The following GXYLT2 variants were observed in gnomAD, a reference collection of about 807,000 sequenced individuals.
GXYLT2 encodes glycosyltransferase 8 domain containing 4.
Under a neutral mutation model 45.8 loss-of-function variants are expected in GXYLT2, and 53 were observed. The ratio of observed to expected loss-of-function variants is 1.16; its 90% CI spans 0.93 to 1.46. The LOEUF (loss-of-function observed/expected upper bound fraction) is 1.46, where lower values mean the gene tolerates loss of function less well. Ranked by LOEUF, GXYLT2 falls within the 40% of genes most tolerant of loss-of-function variation. The pLI, the probability that GXYLT2 is intolerant of heterozygous loss-of-function variation, is 0.00. For missense variants in GXYLT2, 551 were observed against 544.4 expected, an observed-to-expected ratio of 1.01 and a Z score of -0.12; for synonymous variants, 219 against 214.2, an observed-to-expected ratio of 1.02 and a Z score of -0.19.
intron 2 of GXYLT2, among the ~76,000 whole-genome samples, chr3:72,918,113 T>G (rs1709771849): frequency 6.6e-6 from 1 of 152,190 alleles, no homozygotes; most frequent in African/African-American, 2.4e-5. Flanking sequence ...AAACAATATA[T>G]AAACAAATGG....
intron 3 of GXYLT2, among the ~76,000 whole-genome samples, chr3:72,943,204 A>G (rs987514047): frequency 6.6e-6 from 1 of 152,236 alleles, no homozygotes; most frequent in African/African-American, 2.4e-5. Flanking sequence ...CAGGGACCTC[A>G]TATAATTACA....
At chr3:72,940,678 TTTTG>T (rs937541979) in intron 3 of GXYLT2, among the ~76,000 whole-genome samples, 6 of 152,154 alleles carry the variant, frequency 3.9e-5, no homozygotes, top group African/African-American at 9.7e-5. Context: ...ACAACTCGTG[TTTTG>T]TTTGTTTGTT....
intron 3 of GXYLT2, chr3:72,928,988 C>A: frequency 9.2e-7 from 1 of 1,085,556 alleles, no homozygotes; most frequent in Non-Finnish European, 1.4e-6. Context: ...CGCCCCAAGG[C>A]CCGCCGCCGC....
chr3:72,966,083 A>G (rs1234585862), intron 5 of GXYLT2, among the ~76,000 whole-genome samples: 1 of 151,806 alleles, frequency 6.6e-6, no homozygotes, highest in Non-Finnish European at 1.5e-5. Flanking sequence ...CGGGTTCTAG[A>G]TTCTCGTGCC....
At chr3:72,896,001 G>T (rs762352384) in intron 1 of GXYLT2, among the ~76,000 whole-genome samples, 1 of 152,182 alleles carries the variant, frequency 6.6e-6, no homozygotes, top group Non-Finnish European at 1.5e-5. Flanking sequence ...TCCGAGAGGT[G>T]AAATAATAAT....
chr3:72,896,118 C>A (rs544830594), intron 1 of GXYLT2, among the ~76,000 whole-genome samples: 213 of 152,344 alleles, frequency 1.4e-3, no homozygotes, highest in African/African-American at 5.0e-3. Context: ...TGAGCCATAA[C>A]TAGACCCAGC....
At chr3:72,946,569 T>G (rs1205171635) in intron 3 of GXYLT2, among the ~76,000 whole-genome samples, 4 of 152,168 alleles carry the variant, frequency 2.6e-5, no homozygotes, top group Non-Finnish European at 4.4e-5. Flanking sequence ...TGCTTCCTGA[T>G]TCATAGATGG....
At chr3:72,918,052 A>G (rs1304712562) in intron 2 of GXYLT2, among the ~76,000 whole-genome samples, 1 of 152,094 alleles carries the variant, frequency 6.6e-6, no homozygotes, top group African/African-American at 2.4e-5. Context: ...TGCAGGCTGT[A>G]TGGTCTCTAT....
chr3:72,907,247 A>G (rs1291480250), intron 1 of GXYLT2, among the ~76,000 whole-genome samples: 1 of 152,236 alleles, frequency 6.6e-6, no homozygotes, highest in Non-Finnish European at 1.5e-5. Flanking sequence ...TCTACTAAGC[A>G]TGCTCATAAG....
chr3:72,920,353 T>C (rs1709809839), intron 2 of GXYLT2, among the ~76,000 whole-genome samples: 1 of 152,170 alleles, frequency 6.6e-6, no homozygotes, highest in African/African-American at 2.4e-5. Context: ...CAGGCTGGTC[T>C]TGAACTCCTG....
Position 72,975,479 on chromosome 3 carries a change from T to G in GXYLT2, c.*320T>G. 4.7e-6 allele frequency: 1 copy of G among 213,346 alleles called. No homozygotes were observed. Among genetic ancestry groups the G allele is most frequent in the Non-Finnish European group, 9.2e-6 (1 of 108,158 alleles). The allele number at this position is 213,346 out of a possible 1,614,324, so 13.2% of individuals were successfully genotyped here. ...TCCTAAACGTCTGAGACCATTTCAGTGGCACCTGAGGTGTTATATTGATCT... is the reference window on the plus strand; with the variant it reads ...TCCTAAACGTCTGAGACCATTTCAGGGGCACCTGAGGTGTTATATTGATCT... On this transcript the variant is annotated 3_prime_UTR_variant, in exon 7 of 7. Coordinates refer to ENST00000389617, the MANE Select transcript of GXYLT2 (RefSeq NM_001080393.2).
chr3:72,965,802 G>A (rs1006659001), intron 5 of GXYLT2, among the ~76,000 whole-genome samples: 5 of 152,162 alleles, frequency 3.3e-5, no homozygotes, highest in African/African-American at 1.2e-4. Flanking sequence ...AGAGGAGTAG[G>A]GAGGGGGCAA....
At chr3:72,938,727 C>T (rs919849995) in intron 3 of GXYLT2, among the ~76,000 whole-genome samples, 2 of 152,146 alleles carry the variant, frequency 1.3e-5, no homozygotes, top group African/African-American at 4.8e-5. Context: ...GCCGGAGAAA[C>T]CAGATACTTT....
chr3:72,888,566 CG>C, intron 1 of GXYLT2, 58 bp downstream of exon 1: 1 of 1,076,352 alleles, frequency 9.3e-7, no homozygotes. Context: ...TCCCTACACC[CG>C]TGCCAAGTCC....
At chr3:72,943,132 A>G (rs1367440561) in intron 3 of GXYLT2, among the ~76,000 whole-genome samples, 1 of 152,230 alleles carries the variant, frequency 6.6e-6, no homozygotes. Flanking sequence ...CATTTTACCC[A>G]AAGAGATGTG....
At chr3:72,973,375 G>C (rs1201171695) in intron 6 of GXYLT2, among the ~76,000 whole-genome samples, 1 of 152,216 alleles carries the variant, frequency 6.6e-6, no homozygotes, top group Non-Finnish European at 1.5e-5. Context: ...GGCCAGATAA[G>C]AGGAGAGAGG....
rs190928912 is a variant in GXYLT2, at chr3:72,952,710, A to G, written c.601-2388A>G. ...GGCCACCTTCTCCCTCTGTCCTCAC[A>G]TGGCAGAGAGAGAGAGAGCACTCTC... On this transcript the variant is annotated intron_variant, in intron 3 of 6. Coordinates refer to ENST00000389617, the MANE Select transcript of GXYLT2 (RefSeq NM_001080393.2). Among the ~76,000 whole-genome samples the G allele has an allele frequency of 9.9e-3, 1,513 of 152,144 alleles. 21 individuals carry two copies. The highest frequency in any genetic ancestry group is 0.035 in the African/African-American group (1,433 of 41,504).
chr3:72,889,083 T>G (rs1306737340), intron 1 of GXYLT2, among the ~76,000 whole-genome samples: 1 of 152,180 alleles, frequency 6.6e-6, no homozygotes, highest in Non-Finnish European at 1.5e-5. Flanking sequence ...TCATTCTGTT[T>G]CAGGCTCGAG....
intron 6 of GXYLT2, among the ~76,000 whole-genome samples, chr3:72,969,416 A>G (rs113695243): frequency 7.4e-4 from 112 of 151,698 alleles, no homozygotes; most frequent in African/African-American, 2.6e-3. Context: ...AAAATTCACG[A>G]CAGAAGAAAA....
Sources: allele counts gnomAD v4.1 joint callset (sites outside exome capture counted in the v4.1 genomes callset), GRCh38; gene constraint gnomAD v4.1.1; transcripts MANE v1.5; gene names NCBI Gene and HGNC (gene_info 2026-07-23, HGNC 2026-07-21).